TAOK3: variants seen among roughly 807,000 people sequenced by gnomAD.
TAOK3 encodes serine/threonine-protein kinase TAO3.
In TAOK3, 40 loss-of-function variants were observed where a neutral mutation model predicts 120.4. That is an observed-to-expected ratio of 0.33 (90% confidence interval 0.26 to 0.43). The LOEUF is 0.43. Among genes scored for constraint, TAOK3 ranks in the 20% least tolerant of loss-of-function variants. The probability of loss-of-function intolerance (pLI) is 1.00; values close to 1 mark genes in which losing one functional copy is unlikely to be tolerated. For missense variants in TAOK3, 821 were observed against 1,112.1 expected (o/e 0.74, Z 3.72); for synonymous variants, 355 against 387.5 (o/e 0.92, Z 0.99).
intron 1 of TAOK3, among the ~76,000 whole-genome samples, chr12:118,347,637 C>T (rs973254403): frequency 6.6e-6 from 1 of 152,166 alleles, no homozygotes; most frequent in Non-Finnish European, 1.5e-5. Context: ...TTCTTTCCAA[C>T]CCACCTCTTC....
At chr12:118,312,977 G>A (rs1301194073) in intron 1 of TAOK3, among the ~76,000 whole-genome samples, 2 of 152,128 alleles carry the variant, frequency 1.3e-5, no homozygotes, top group African/African-American at 4.8e-5. Flanking sequence ...GCTGAGCCCT[G>A]TATTAAAATC....
chr12:118,330,762 C>CAA (rs79525282), intron 1 of TAOK3, among the ~76,000 whole-genome samples: 1,169 of 106,216 alleles, frequency 0.011, 19 homozygotes, highest in African/African-American at 0.03. Flanking sequence ...AAGAGGAGGA[C>CAA]AAAAAAAAAA....
At chr12:118,176,788 CAG>C in intron 16 of TAOK3, among the ~76,000 whole-genome samples, 1 of 150,422 alleles carries the variant, frequency 6.6e-6, no homozygotes, top group Admixed American at 6.6e-5. Flanking sequence ...TTTTTTGAGA[CAG>C]AGTTTTGCTC....
chr12:118,263,815 C>T (rs777713879), intron 2 of TAOK3, among the ~76,000 whole-genome samples: 9 of 152,136 alleles, frequency 5.9e-5, no homozygotes, highest in Non-Finnish European at 1.0e-4. Flanking sequence ...CCTGTAATCC[C>T]AGCACTTTGG....
chr12:118,163,583 G>A (rs2035371565), intron 17 of TAOK3, among the ~76,000 whole-genome samples: 1 of 149,232 alleles, frequency 6.7e-6, no homozygotes, highest in African/African-American at 2.5e-5. Context: ...ACCATGCCCA[G>A]CCAGGAAATA....
rs546422349 is a variant in TAOK3, at chr12:118,371,422, T to A, written c.-194+1226A>T. On this transcript the variant is annotated intron_variant, in intron 1 of 20. Transcript: ENST00000392533. This position sits in a 1 kb window ranked among gnomAD's most constrained non-coding sequence, Gnocchi z 5.5. ...AAGAGGTCAGGCCGCGCAGGTCTCTTGATCATTCCAAGATCTTTGTCCTGC... is the reference window on the plus strand; with the variant it reads ...AAGAGGTCAGGCCGCGCAGGTCTCTAGATCATTCCAAGATCTTTGTCCTGC... Among the ~76,000 whole-genome samples, 22 of 152,164 alleles carry A rather than the reference T, an allele frequency of 1.4e-4. No individual in the cohort carries two copies. The highest frequency in any genetic ancestry group is 1.8e-4 in the Non-Finnish European group (12 of 68,004).
intron 1 of TAOK3, among the ~76,000 whole-genome samples, chr12:118,310,262 A>AACAGAGTGAGATT (rs1353490201): frequency 6.6e-6 from 1 of 152,220 alleles, no homozygotes; most frequent in Non-Finnish European, 1.5e-5. Context: ...CAACCTCTAC[A>AACAGAGTGAGATT]ACAGAGTGAG....
intron 1 of TAOK3, among the ~76,000 whole-genome samples, chr12:118,356,153 T>C (rs945055551): frequency 6.6e-6 from 1 of 152,178 alleles, no homozygotes; most frequent in African/African-American, 2.4e-5. Context: ...ACTGAAAACA[T>C]GGCATTCCAT....
chr12:118,286,904 A>T (rs2140475947), intron 1 of TAOK3, among the ~76,000 whole-genome samples: 1 of 152,370 alleles, frequency 6.6e-6, no homozygotes, highest in African/African-American at 2.4e-5. Context: ...GGAATTAATT[A>T]ATGGCATTTG....
chr12:118,231,941 AG>A (rs202224526), intron 9 of TAOK3, among the ~76,000 whole-genome samples: 1 of 152,082 alleles, frequency 6.6e-6, no homozygotes, highest in Non-Finnish European at 1.5e-5. Context: ...AAAGAAAAAA[AG>A]AAAAAAAAGA....
At chr12:118,156,336 TGA>T (rs2034823397) in intron 19 of TAOK3, among the ~76,000 whole-genome samples, 1 of 152,196 alleles carries the variant, frequency 6.6e-6, no homozygotes. Context: ...CTTTGTCTTC[TGA>T]GATACCACAA....
intron 1 of TAOK3, among the ~76,000 whole-genome samples, chr12:118,347,547 G>A (rs780050878): frequency 6.6e-6 from 1 of 152,072 alleles, no homozygotes; most frequent in Non-Finnish European, 1.5e-5. Flanking sequence ...GTCCTCTCAG[G>A]TCATATCCTT....
chr12:118,333,736 CA>C (rs2044246087), intron 1 of TAOK3, among the ~76,000 whole-genome samples: 2 of 150,572 alleles, frequency 1.3e-5, no homozygotes, highest in South Asian at 4.2e-4. Flanking sequence ...AAACCTGCAG[CA>C]AGACTGACAA....
At chr12:118,171,175 A>G (rs913908485) in intron 17 of TAOK3, among the ~76,000 whole-genome samples, 4 of 152,126 alleles carry the variant, frequency 2.6e-5, no homozygotes, top group South Asian at 2.1e-4. Flanking sequence ...TGAAATTCCC[A>G]TATCTATTTG....
chr12:118,159,878 G>A (rs892766980), intron 19 of TAOK3: 6 of 503,696 alleles, frequency 1.2e-5, no homozygotes, highest in Non-Finnish European at 2.1e-5. Context: ...TATCATATGT[G>A]GTATCTATCA....
intron 3 of TAOK3, 43 bp downstream of exon 3, chr12:118,255,405 T>C: frequency 1.2e-6 from 2 of 1,605,728 alleles, no homozygotes; most frequent in Non-Finnish European, 1.7e-6. Flanking sequence ...GAGTCCAACC[T>C]TTCTTAATCT....
intron 1 of TAOK3, among the ~76,000 whole-genome samples, chr12:118,285,208 A>G (rs1358286165): frequency 1.3e-5 from 2 of 151,852 alleles, no homozygotes; most frequent in Non-Finnish European, 2.9e-5. Context: ...ATACCTGGCT[A>G]ATTTTTATAT....
intron 3 of TAOK3, among the ~76,000 whole-genome samples, chr12:118,247,952 T>C (rs888596472): frequency 6.6e-6 from 1 of 152,230 alleles, no homozygotes; most frequent in Non-Finnish European, 1.5e-5. Flanking sequence ...GTCACATTAT[T>C]ATCATTGTGG....
intron 1 of TAOK3, chr12:118,359,600 T>C (rs1023389711): frequency 7.9e-5 from 12 of 152,244 alleles, no homozygotes; most frequent in Non-Finnish European, 1.6e-4. Flanking sequence ...TAAACTTATG[T>C]ATTTAAAAAT....
Sources: allele counts gnomAD v4.1 joint callset (sites outside exome capture counted in the v4.1 genomes callset), GRCh38; gene constraint gnomAD v4.1.1; non-coding constraint Gnocchi (gnomAD v3.1); transcripts MANE v1.5; gene names NCBI Gene and HGNC (gene_info 2026-07-23, HGNC 2026-07-21).